The following SUSD4 variants were observed in gnomAD, a reference collection of about 807,000 sequenced individuals.
SUSD4 encodes the protein sushi domain-containing protein 4.
In SUSD4, 41 loss-of-function variants were observed where a neutral mutation model predicts 50.5. The observed-to-expected ratio is 0.81, with a 90% CI of 0.63 to 1.05. SUSD4 has a LOEUF of 1.05. SUSD4 is among the 50% of genes least tolerant of loss of function. The pLI is 0.00. For synonymous variants in SUSD4, 257 were observed against 257.3 expected (o/e 1.00, Z 0.01); for missense variants, 580 against 634.7 (o/e 0.91, Z 0.93).
chr1:223,253,392 G>GA (rs939524684), intron 5 of SUSD4, among the ~76,000 whole-genome samples: 43 of 151,924 alleles, frequency 2.8e-4, no homozygotes, highest in Non-Finnish European at 5.4e-4. Context: ...CCATTTCTAT[G>GA]AAAAAAATGA....
chr1:223,281,037 A>G (rs1479009113), intron 3 of SUSD4, among the ~76,000 whole-genome samples: 1 of 152,218 alleles, frequency 6.6e-6, no homozygotes, highest in East Asian at 1.9e-4. Flanking sequence ...CTTTGAAACC[A>G]ATGAGAACAA....
chr1:223,254,823 A>C (rs1336612956), intron 5 of SUSD4, among the ~76,000 whole-genome samples: 1 of 152,244 alleles, frequency 6.6e-6, no homozygotes, highest in Non-Finnish European at 1.5e-5. Flanking sequence ...GAGAAAATTA[A>C]GCACAGTGAT....
At chr1:223,343,596 T>C (rs1159620424) in intron 2 of SUSD4, among the ~76,000 whole-genome samples, 1 of 152,238 alleles carries the variant, frequency 6.6e-6, no homozygotes, top group Non-Finnish European at 1.5e-5. Context: ...AATGTCTATA[T>C]ACTATTTGGG....
At chr1:223,279,172 C>G (rs1462960362) in intron 3 of SUSD4, among the ~76,000 whole-genome samples, 1 of 152,182 alleles carries the variant, frequency 6.6e-6, no homozygotes, top group Non-Finnish European at 1.5e-5. Context: ...CACCTCTCCC[C>G]CTCCAAAGGA....
intron 2 of SUSD4, among the ~76,000 whole-genome samples, chr1:223,315,956 A>C (rs1006123294): frequency 6.6e-6 from 1 of 152,172 alleles, no homozygotes; most frequent in Non-Finnish European, 1.5e-5. Context: ...GCAGGTTTTC[A>C]AAAGGTCAAA....
At chr1:223,270,762 T>C (rs1662860385) in intron 3 of SUSD4, among the ~76,000 whole-genome samples, 1 of 151,972 alleles carries the variant, frequency 6.6e-6, no homozygotes, top group Non-Finnish European at 1.5e-5. Flanking sequence ...AGAGATGGAG[T>C]TTCACCATAT....
chr1:223,304,266 G>T (rs1010606962), intron 2 of SUSD4, among the ~76,000 whole-genome samples: 9 of 152,184 alleles, frequency 5.9e-5, no homozygotes, highest in Non-Finnish European at 8.8e-5. Context: ...TCTCTGCAGG[G>T]GGAAGCACAT....
In SUSD4 at chr1:223,267,035, G is replaced by A. The variant is rs74145794; in HGVS notation, c.535+1467C>T. On this transcript the variant is annotated intron_variant, in intron 4 of 8. Transcript: ENST00000366878. ...GGGAGAGGTGGGCAGGGCTTGCATC[G>A]TTTAAAGAAGCATACCTCTGCAGGG... 3.3e-3 allele frequency among the ~76,000 whole-genome samples: 502 copies of A among 152,318 alleles called. 1 individual carries two copies. Among genetic ancestry groups the A allele is most frequent in the Middle Eastern group, 0.031 (9 of 294 alleles).
At chr1:223,340,098 C>T (rs1461182218) in intron 2 of SUSD4, among the ~76,000 whole-genome samples, 1 of 152,200 alleles carries the variant, frequency 6.6e-6, no homozygotes, top group Non-Finnish European at 1.5e-5. Context: ...TGACAAAGAC[C>T]ACACGCAGCC....
At chr1:223,313,880 G>C (rs1666025058) in intron 2 of SUSD4, among the ~76,000 whole-genome samples, 1 of 152,056 alleles carries the variant, frequency 6.6e-6, no homozygotes, top group Non-Finnish European at 1.5e-5. Flanking sequence ...GGCAACATCA[G>C]CAAGTTACCC....
chr1:223,313,542 G>C (rs979256391), intron 2 of SUSD4, among the ~76,000 whole-genome samples: 1 of 152,086 alleles, frequency 6.6e-6, no homozygotes, highest in African/African-American at 2.4e-5. Flanking sequence ...AACCTGAGGG[G>C]GTAGTAGTGT....
chr1:223,277,885 T>C (rs1663392278), intron 3 of SUSD4, among the ~76,000 whole-genome samples: 1 of 152,204 alleles, frequency 6.6e-6, no homozygotes, highest in Non-Finnish European at 1.5e-5. Context: ...TTCTCCCTTC[T>C]TACAAAGCAA....
intron 3 of SUSD4, among the ~76,000 whole-genome samples, chr1:223,269,858 A>C (rs1662783468): frequency 6.6e-6 from 1 of 152,046 alleles, no homozygotes; most frequent in South Asian, 2.1e-4. Context: ...AGGAACCCTC[A>C]CCTTTAAGTT....
intron 4 of SUSD4, 83 bp downstream of exon 4, chr1:223,268,419 T>G: frequency 6.7e-7 from 1 of 1,494,708 alleles, no homozygotes; most frequent in Non-Finnish European, 8.9e-7. Flanking sequence ...CTCTATCACT[T>G]TATTAGATAA....
chr1:223,275,151 A>C (rs542481849), intron 3 of SUSD4, among the ~76,000 whole-genome samples: 106 of 152,332 alleles, frequency 7.0e-4, no homozygotes, highest in African/African-American at 2.0e-3. Flanking sequence ...AGAGTGCTTA[A>C]CGGAATTCTG....
At chr1:223,307,706 T>C (rs1665627660) in intron 2 of SUSD4, among the ~76,000 whole-genome samples, 1 of 152,242 alleles carries the variant, frequency 6.6e-6, no homozygotes, top group Admixed American at 6.5e-5. Context: ...AGACAGTGTG[T>C]GCAAGAAGAC....
At chr1:223,312,332 A>G (rs892035254) in intron 2 of SUSD4, among the ~76,000 whole-genome samples, 18 of 152,294 alleles carry the variant, frequency 1.2e-4, no homozygotes, top group African/African-American at 3.1e-4. Flanking sequence ...ACTAAAAGCT[A>G]TCTAGGCCTC....
Position 223,304,215 on chromosome 1 carries a change from G to C in SUSD4, c.149-11564C>G, listed in dbSNP as rs376877545. ...TCTGCTTTTCTGGGATAGGAATCTT[G>C]GTGATGTTAAACCTCCCTGACTTCA... On this transcript the variant is annotated intron_variant, in intron 2 of 8. Transcript: ENST00000366878. Among the ~76,000 whole-genome samples the C allele has an allele frequency of 2.0e-5, 3 of 152,074 alleles. No individual in the cohort carries two copies. In the East Asian group the frequency reaches 5.8e-4, roughly 29 times the overall value.
rs186870025 is a variant in SUSD4, at chr1:223,344,838, T to C, written c.148+18440A>G. On this transcript the variant is annotated intron_variant, in intron 2 of 8. Coordinates refer to ENST00000366878, the MANE Select transcript of SUSD4 (RefSeq NM_017982.4). Reference sequence around the variant, plus strand: ...TGCTTCCTTGGGCCCATCTGGACAGTTTTCCTGAGTTCAGAACATTTAGCA... The same window carrying C: ...TGCTTCCTTGGGCCCATCTGGACAGCTTTCCTGAGTTCAGAACATTTAGCA... Among the ~76,000 whole-genome samples the C allele has an allele frequency of 4.6e-5, 7 of 152,278 alleles. 1 individual carries two copies. The Middle Eastern group carries it at 0.01, about 222-fold the overall frequency.
Sources: gnomAD v4.1 joint callset for allele counts (sites outside exome capture counted in the v4.1 genomes callset) on GRCh38, gnomAD v4.1.1 for gene constraint, MANE v1.5 for transcripts, NCBI Gene and HGNC (gene_info 2026-07-23, HGNC 2026-07-21) for gene names.